The following SHANK2 variants were observed in gnomAD, a reference collection of about 807,000 sequenced individuals.
The protein encoded by SHANK2 is SH3 and multiple ankyrin repeat domains protein 2.
Under a neutral mutation model 133.7 loss-of-function variants are expected in SHANK2, and 43 were observed. That is an observed-to-expected ratio of 0.32 (90% CI 0.25 to 0.41). The LOEUF (loss-of-function observed/expected upper bound fraction) is 0.41. Ranked by LOEUF, SHANK2 falls within the 10% of genes least tolerant of loss-of-function variation. The pLI is 1.00. For missense variants in SHANK2, 1,994 were observed against 2,235.8 expected, an observed-to-expected ratio of 0.89 and a Z score of 2.18; for synonymous variants, 1,017 against 952.8, an observed-to-expected ratio of 1.07 and a Z score of -1.24.
intron 14 of SHANK2, among the ~76,000 whole-genome samples, chr11:70,779,737 G>A (rs527622039): frequency 5.3e-5 from 8 of 152,270 alleles, no homozygotes; most frequent in East Asian, 3.9e-4. Context: ...GGCGCTTGGC[G>A]TCCCTGCTGA....
chr11:70,589,918 C>T (rs879991779), intron 17 of SHANK2, among the ~76,000 whole-genome samples: 4 of 152,162 alleles, frequency 2.6e-5, no homozygotes, highest in Non-Finnish European at 5.9e-5. Flanking sequence ...CTTTGGGAGG[C>T]CGAGGCAGGA....
intron 14 of SHANK2, among the ~76,000 whole-genome samples, chr11:70,768,655 G>A (rs1565303653): frequency 3.3e-5 from 5 of 152,216 alleles, no homozygotes. Context: ...CAAAGGAAGG[G>A]AGTAGCCATT....
chr11:70,720,822 CACAT>C (rs1555028933), intron 14 of SHANK2, among the ~76,000 whole-genome samples: 1 of 152,238 alleles, frequency 6.6e-6, no homozygotes, highest in African/African-American at 2.4e-5. Flanking sequence ...CACACATGCT[CACAT>C]ACATGCAAAC....
chr11:70,741,369 ATCCC>A (rs1230744029), intron 14 of SHANK2, among the ~76,000 whole-genome samples: 4 of 139,372 alleles, frequency 2.9e-5, no homozygotes, highest in South Asian at 4.5e-4. Context: ...CCATCCATCC[ATCCC>A]TCCATCCATC....
intron 1 of SHANK2, among the ~76,000 whole-genome samples, chr11:71,229,765 G>GAAAAAAAA (rs55730780): frequency 2.0e-4 from 23 of 116,516 alleles, no homozygotes; most frequent in South Asian, 5.2e-4. Context: ...TCTCAAAAAA[G>GAAAAAAAA]AAAAAAAAAA....
At chr11:70,617,320 T>C (rs1554996341) in intron 17 of SHANK2, among the ~76,000 whole-genome samples, 2 of 152,032 alleles carry the variant, frequency 1.3e-5, no homozygotes, top group African/African-American at 4.8e-5. Flanking sequence ...TGTGTGTGTG[T>C]GTGAGTGTGT....
chr11:70,812,954 C>T (rs1948309626), intron 12 of SHANK2, among the ~76,000 whole-genome samples: 2 of 152,122 alleles, frequency 1.3e-5, no homozygotes, highest in African/African-American at 4.8e-5. Context: ...CATTTCCCAG[C>T]CAGCCTGGGT....
intron 14 of SHANK2, 117 bp downstream of exon 14, chr11:70,798,326 C>G: frequency 1.5e-6 from 1 of 680,604 alleles, no homozygotes; most frequent in Non-Finnish European, 2.7e-6. Flanking sequence ...GTCCTGAATT[C>G]GCAACTCAGC....
At chr11:71,150,520 G>A (rs782012867) in intron 2 of SHANK2, among the ~76,000 whole-genome samples, 3 of 151,952 alleles carry the variant, frequency 2.0e-5, no homozygotes, top group Non-Finnish European at 4.4e-5. Flanking sequence ...GAATGTCAGG[G>A]TAACAATGAC....
chr11:71,240,038 T>C lies in SHANK2; in HGVS notation c.-113+12387A>G, dbSNP rs527247676. ...CCATGAATGTTCAATAGTAATATGATACTAATTCTAGACTGCTTCTGGTAA... is the reference window on the plus strand; with the variant it reads ...CCATGAATGTTCAATAGTAATATGACACTAATTCTAGACTGCTTCTGGTAA... On this transcript the variant is annotated intron_variant, in intron 1 of 25. Coordinates refer to ENST00000601538, the MANE Select transcript of SHANK2 (RefSeq NM_012309.5). Among the ~76,000 whole-genome samples the C allele has an allele frequency of 2.4e-3, 360 of 152,298 alleles. 2 individuals are homozygous for C. Among genetic ancestry groups the C allele is most frequent in the African/African-American group, 8.2e-3 (340 of 41,566 alleles).
At chr11:71,179,213 A>G (rs782651547) in intron 2 of SHANK2, among the ~76,000 whole-genome samples, 1 of 152,202 alleles carries the variant, frequency 6.6e-6, no homozygotes, top group Non-Finnish European at 1.5e-5. Context: ...ACAATATGTA[A>G]AAAGGATATT....
intron 14 of SHANK2, among the ~76,000 whole-genome samples, chr11:70,751,016 A>T (rs908987592): frequency 1.3e-5 from 2 of 152,190 alleles, no homozygotes; most frequent in African/African-American, 4.8e-5. Context: ...GAAATATGCC[A>T]ACTCTCAACG....
intron 17 of SHANK2, among the ~76,000 whole-genome samples, chr11:70,539,944 T>C (rs1382016358): frequency 2.6e-5 from 4 of 152,100 alleles, no homozygotes; most frequent in Non-Finnish European, 5.9e-5. Context: ...TGGCAAGCCT[T>C]GGTGTCCCTG....
intron 1 of SHANK2, chr11:71,226,608 T>C (rs1555122276): frequency 6.6e-6 from 1 of 152,198 alleles, no homozygotes; most frequent in African/African-American, 2.4e-5. Context: ...AGTGGCACAG[T>C]AATTTTCAAG....
rs535435795 is a variant in SHANK2, at chr11:70,655,862, C to G, written c.2061+3966G>C. On this transcript the variant is annotated intron_variant, in intron 17 of 25. Transcript: ENST00000601538. ...CACCTTGCCTGCCTGTTGGGACCCC[C>G]GGCATCACCACTGCAGCTTTCATGG... 3.3e-5 allele frequency among the ~76,000 whole-genome samples: 5 copies of G among 152,268 alleles called. No homozygotes were observed. The East Asian group carries it at 9.7e-4, about 29-fold the overall frequency.
chr11:71,193,051 A>G (rs1555115694), intron 2 of SHANK2, among the ~76,000 whole-genome samples: 1 of 152,228 alleles, frequency 6.6e-6, no homozygotes, highest in African/African-American at 2.4e-5. Flanking sequence ...TTAGAAAAAG[A>G]GAGAAATAAA....
At chr11:70,825,343 A>G (rs1303425289) in intron 11 of SHANK2, among the ~76,000 whole-genome samples, 15 of 152,358 alleles carry the variant, frequency 9.8e-5, no homozygotes, top group Admixed American at 7.2e-4. Context: ...ATTTTGGTGA[A>G]TAATGTCAGA....
chr11:70,909,498 T>C (rs1950157121), intron 10 of SHANK2, among the ~76,000 whole-genome samples: 1 of 152,196 alleles, frequency 6.6e-6, no homozygotes, highest in African/African-American at 2.4e-5. Context: ...AGCATCTAAA[T>C]ACAGTCTCTA....
At chr11:70,825,953 T>C (rs1555057128) in intron 11 of SHANK2, among the ~76,000 whole-genome samples, 1 of 152,172 alleles carries the variant, frequency 6.6e-6, no homozygotes, top group Non-Finnish European at 1.5e-5. Context: ...TTACACAAGG[T>C]ATGACAAACA....
Sources: allele counts gnomAD v4.1 joint callset (sites outside exome capture counted in the v4.1 genomes callset), GRCh38; gene constraint gnomAD v4.1.1; transcripts MANE v1.5; gene names NCBI Gene and HGNC (gene_info 2026-07-23, HGNC 2026-07-21).